The following ELF1 variants were observed in gnomAD, a reference collection of about 807,000 sequenced individuals.
ELF1 encodes the protein ETS-related transcription factor Elf-1.
In ELF1, 24 loss-of-function variants were observed where a neutral mutation model predicts 59.9. The observed-to-expected ratio is 0.40, with a 90% confidence interval of 0.29 to 0.56. The LOEUF (loss-of-function observed/expected upper bound fraction) is 0.56. Among genes scored for constraint, ELF1 ranks in the 20% least tolerant of loss-of-function variants. The pLI is 0.44. For missense variants in ELF1, 627 were observed against 742.2 expected, an observed-to-expected ratio of 0.84 and a Z score of 1.80; for synonymous variants, 248 against 266.2, an observed-to-expected ratio of 0.93 and a Z score of 0.67.
At chr13:41,012,739 G>A (rs1451745497) in intron 1 of ELF1, among the ~76,000 whole-genome samples, 1 of 151,044 alleles carries the variant, frequency 6.6e-6, no homozygotes, top group South Asian at 2.1e-4. Flanking sequence ...TTTTCTACTT[G>A]TAGAGACAGG....
intron 1 of ELF1, among the ~76,000 whole-genome samples, chr13:40,989,842 T>C (rs1873749474): frequency 1.3e-5 from 2 of 152,180 alleles, no homozygotes; most frequent in Admixed American, 1.3e-4. Context: ...GAAGGGGGAA[T>C]TTAAAAAACC....
At chr13:40,995,898 TGAAAGACAATGTCAAGAGAA>T (rs542730315) in intron 1 of ELF1, among the ~76,000 whole-genome samples, 100 of 152,220 alleles carry the variant, frequency 6.6e-4, no homozygotes, top group African/African-American at 2.3e-3. Flanking sequence ...TTTTGCTCTG[TGAAAGACAATGTCAAGAGAA>T]TGAAAAGACA....
At chr13:40,955,246 G>A (rs1266514513) in intron 3 of ELF1, among the ~76,000 whole-genome samples, 32 of 140,072 alleles carry the variant, frequency 2.3e-4, no homozygotes, top group African/African-American at 6.9e-4. Flanking sequence ...GAGCATCTCC[G>A]CCTGGCAGCC....
chr13:41,017,705 C>T (rs530275568), intron 1 of ELF1, among the ~76,000 whole-genome samples: 1 of 152,100 alleles, frequency 6.6e-6, no homozygotes, highest in Admixed American at 6.5e-5. Context: ...CCAAATTCCT[C>T]TACTTCTCTT....
At chr13:40,953,177 T>C (rs1165562389) in intron 3 of ELF1, among the ~76,000 whole-genome samples, 3 of 152,074 alleles carry the variant, frequency 2.0e-5, no homozygotes, top group African/African-American at 7.2e-5. Flanking sequence ...GATTTCTCCA[T>C]GTTGGTCAGG....
intron 1 of ELF1, among the ~76,000 whole-genome samples, chr13:40,988,833 C>T (rs1223969364): frequency 9.2e-5 from 14 of 152,134 alleles, no homozygotes; most frequent in Admixed American, 8.5e-4. Flanking sequence ...CAGAGTCTTG[C>T]TCTATCGCTT....
At chr13:40,951,528 T>C in intron 3 of ELF1, 92 bp from the exon 4 acceptor site, 1 of 829,618 alleles carries the variant, frequency 1.2e-6, no homozygotes, top group Non-Finnish European at 1.9e-6. Flanking sequence ...CCAGAATACA[T>C]CATTTAATAT....
intron 5 of ELF1, among the ~76,000 whole-genome samples, chr13:40,945,671 T>G (rs1397037969): frequency 6.6e-6 from 1 of 152,210 alleles, no homozygotes; most frequent in Non-Finnish European, 1.5e-5. Flanking sequence ...TCCTCACTTT[T>G]TATATTCTGT....
intron 3 of ELF1, among the ~76,000 whole-genome samples, chr13:40,955,275 G>GT (rs1214740777): frequency 1.1e-5 from 1 of 90,354 alleles, no homozygotes; most frequent in Non-Finnish European, 3.1e-5. Context: ...TGGGAGGGAG[G>GT]TGGGGGTCAG....
intron 1 of ELF1, among the ~76,000 whole-genome samples, chr13:40,988,916 G>A (rs554205913): frequency 8.7e-4 from 133 of 152,166 alleles, no homozygotes; most frequent in African/African-American, 3.2e-3. Flanking sequence ...TCATGCCTCA[G>A]CCTCCCAAGT....
intron 1 of ELF1, among the ~76,000 whole-genome samples, chr13:40,988,519 T>C (rs2138293872): frequency 6.6e-6 from 1 of 152,366 alleles, no homozygotes; most frequent in East Asian, 1.9e-4. Context: ...CTTTTATATA[T>C]TATGCAATCT....
chr13:40,997,345 C>T (rs1236742140), intron 1 of ELF1, among the ~76,000 whole-genome samples: 2 of 151,994 alleles, frequency 1.3e-5, no homozygotes, highest in Non-Finnish European at 2.9e-5. Context: ...GCAACCTCCA[C>T]CTCCTAGGTT....
At chr13:40,941,935 A>G (rs7317824) in intron 7 of ELF1, among the ~76,000 whole-genome samples, 28,586 of 152,126 alleles carry the variant, frequency 0.19, 3,029 homozygotes, top group African/African-American at 0.27. Context: ...CTGGGATTAT[A>G]GAAGCGAGCC....
intron 1 of ELF1, among the ~76,000 whole-genome samples, chr13:41,027,883 A>G (rs1418260191): frequency 3.3e-5 from 5 of 152,230 alleles, no homozygotes; most frequent in Admixed American, 1.3e-4. Context: ...ATTCAGTTAC[A>G]GTGCCAGCTA....
intron 1 of ELF1, among the ~76,000 whole-genome samples, chr13:41,000,379 A>AT (rs1333018653): frequency 3.4e-5 from 5 of 148,598 alleles, no homozygotes; most frequent in African/African-American, 1.2e-4. Context: ...ACGCCACCAC[A>AT]CCGGGCTAAT....
intron 1 of ELF1, among the ~76,000 whole-genome samples, chr13:41,017,121 AGTT>A (rs1875451729): frequency 6.6e-6 from 1 of 151,288 alleles, no homozygotes; most frequent in Admixed American, 6.6e-5. Context: ...AAAAACAAAA[AGTT>A]GTTGTAGAAA....
intron 8 of ELF1, among the ~76,000 whole-genome samples, chr13:40,938,608 G>C (rs528884332): frequency 2.6e-5 from 4 of 152,050 alleles, no homozygotes; most frequent in Non-Finnish European, 4.4e-5. Flanking sequence ...CTATAAAACG[G>C]GGATATTATC....
At chr13:41,058,606 A>G (rs1192122912) in intron 1 of ELF1, among the ~76,000 whole-genome samples, 1 of 152,236 alleles carries the variant, frequency 6.6e-6, no homozygotes, top group South Asian at 2.1e-4. Context: ...ACTATTTGCA[A>G]TTACTGAGTG....
intron 2 of ELF1, among the ~76,000 whole-genome samples, chr13:40,977,565 T>C (rs932206290): frequency 7.9e-5 from 12 of 152,298 alleles, no homozygotes; most frequent in African/African-American, 2.9e-4. Context: ...CTAATATATA[T>C]TTATAACCTA....
Sources: gnomAD v4.1 joint callset for allele counts (sites outside exome capture counted in the v4.1 genomes callset) on GRCh38, gnomAD v4.1.1 for gene constraint, MANE v1.5 for transcripts, NCBI Gene and HGNC (gene_info 2026-07-23, HGNC 2026-07-21) for gene names.